The following ATP12A variants were observed in gnomAD, a reference collection of about 807,000 sequenced individuals.
ATP12A encodes the protein potassium-transporting ATPase alpha chain 2.
ATP12A carries 81 observed loss-of-function variants against 111.2 expected under a neutral mutation model. The observed-to-expected ratio is 0.73, with a 90% confidence interval of 0.61 to 0.88. ATP12A has a LOEUF of 0.88. Among genes scored for constraint, ATP12A ranks in the 40% least tolerant of loss-of-function variants. ATP12A has a pLI of 0.00. For synonymous variants in ATP12A, 498 were observed against 499.8 expected, an observed-to-expected ratio of 1.00 and a Z score of 0.05; for missense variants, 1,196 against 1,313.1, an observed-to-expected ratio of 0.91 and a Z score of 1.38.
At chr13:24,682,299 GTATGTGCATGGTAT>G (rs1874504514) in intron 2 of ATP12A, among the ~76,000 whole-genome samples, 2 of 145,812 alleles carry the variant, frequency 1.4e-5, no homozygotes, top group Non-Finnish European at 3.0e-5. Flanking sequence ...TGTGGTGTGT[GTATGTGCATGGTAT>G]GTGTGGTGTG....
chr13:24,705,369 C>G (rs1306800392), intron 14 of ATP12A, among the ~76,000 whole-genome samples: 1 of 152,202 alleles, frequency 6.6e-6, no homozygotes, highest in Non-Finnish European at 1.5e-5. Flanking sequence ...CCTGGGCTCG[C>G]TGGCTAAAGT....
chr13:24,690,544 C>T, intron 6 of ATP12A, 60 bp from the exon 7 acceptor site: 1 of 1,603,496 alleles, frequency 6.2e-7, no homozygotes, highest in Non-Finnish European at 8.5e-7. Context: ...TTCCCAGCAT[C>T]AGTATAAGAG....
Position 24,680,656 on chromosome 13 carries a change from G to C in ATP12A, c.-88G>C. ...CACCTCAGCCACTGCCACTGCCACA[G>C]CCACACGAGGCCCCCCACCGTGCGC... On this transcript the variant is annotated 5_prime_UTR_variant, in exon 1 of 23. Coordinates refer to ENST00000381946, the MANE Select transcript of ATP12A (RefSeq NM_001676.7). The C allele has an allele frequency of 6.9e-7, 1 of 1,452,380 alleles. No homozygotes were observed. The highest frequency in any genetic ancestry group is 2.8e-5 in the East Asian group (1 of 35,312). 90.0% of individuals were successfully genotyped at this position (1,452,380 alleles called of 1,614,324 possible). A position where few individuals can be genotyped will look rare whatever the true frequency, so the allele number is the denominator to read the frequency against.
At chr13:24,698,470 G>C (rs724328) in intron 11 of ATP12A, among the ~76,000 whole-genome samples, 188 bp from the exon 12 acceptor site, 54,300 of 151,922 alleles carry the variant, frequency 0.36, 10,451 homozygotes, top group Admixed American at 0.54. Context: ...TATCCAGAGT[G>C]GGTGCCCCAC....
chr13:24,686,728 G>T (rs568250693), intron 3 of ATP12A, among the ~76,000 whole-genome samples: 6 of 151,762 alleles, frequency 4.0e-5, no homozygotes, highest in Non-Finnish European at 7.4e-5. Flanking sequence ...GACAGAGCGA[G>T]ACTCTGTCGA....
At chr13:24,695,427 GC>G (rs1224059570) in intron 11 of ATP12A, among the ~76,000 whole-genome samples, 10 of 152,222 alleles carry the variant, frequency 6.6e-5, no homozygotes, top group African/African-American at 2.2e-4. Context: ...ACAGTTGGGA[GC>G]CCCAGGTCCC....
intron 15 of ATP12A, 100 bp from the exon 16 acceptor site, chr13:24,706,923 C>T: frequency 7.4e-7 from 1 of 1,345,414 alleles, no homozygotes; most frequent in Non-Finnish European, 1.0e-6. Context: ...TATAATCATC[C>T]TCGCAACCTC....
chr13:24,702,226 C>T (rs1875428498), intron 14 of ATP12A, among the ~76,000 whole-genome samples, 155 bp downstream of exon 14: 2 of 152,352 alleles, frequency 1.3e-5, no homozygotes, highest in Middle Eastern at 6.8e-3. Context: ...TGTATTCACT[C>T]TAATTTCACT....
chr13:24,710,071 G>C (rs1875894747), intron 19 of ATP12A, among the ~76,000 whole-genome samples: 1 of 152,174 alleles, frequency 6.6e-6, no homozygotes, highest in Admixed American at 6.5e-5. Context: ...GTATAGAAGA[G>C]TGACCAGCCC....
At chr13:24,705,750 G>A (rs914917547) in intron 14 of ATP12A, among the ~76,000 whole-genome samples, 6 of 152,138 alleles carry the variant, frequency 3.9e-5, no homozygotes, top group African/African-American at 1.4e-4. Context: ...GCTCACTGCA[G>A]CCTCAACCCC....
chr13:24,701,892 AG>A (rs1427284369), intron 13 of ATP12A, 42 bp from the exon 14 acceptor site: 2 of 1,613,160 alleles, frequency 1.2e-6, no homozygotes. Context: ...TGGCCAACCG[AG>A]TTCTTCATTA....
In ATP12A at chr13:24,690,584, AC is replaced by A; in HGVS notation, c.682-18del. 1 of 1,606,394 alleles carries A rather than the reference AC, an allele frequency of 6.2e-7. No individual in the cohort carries two copies. Among genetic ancestry groups the A allele is most frequent in the Admixed American group, 1.7e-5 (1 of 59,040 alleles). Reference sequence around the variant, plus strand: ...GGAATGAGGTACCCAGCTGTGAACCACCTTCAACATTTCTTCTAGGTGGATA... The same window carrying A: ...GGAATGAGGTACCCAGCTGTGAACCACTTCAACATTTCTTCTAGGTGGATA... On this transcript the variant is annotated intron_variant, in intron 6 of 22. Coordinates refer to ENST00000381946, the MANE Select transcript of ATP12A (RefSeq NM_001676.7).
At chr13:24,692,029 A>G (rs2070811) in intron 8 of ATP12A, among the ~76,000 whole-genome samples, 36,522 of 152,084 alleles carry the variant, frequency 0.24, 4,810 homozygotes, top group East Asian at 0.48. Context: ...CCCCAAAGCA[A>G]CAAGTGTGTC....
At chr13:24,684,978 T>A (rs565181054) in intron 2 of ATP12A, among the ~76,000 whole-genome samples, 2 of 152,322 alleles carry the variant, frequency 1.3e-5, no homozygotes, top group Non-Finnish European at 2.9e-5. Flanking sequence ...TCCAGCTCAC[T>A]GGCACCTGGA....
In ATP12A at chr13:24,688,522, C is replaced by G. The variant is rs199568379; in HGVS notation, c.432C>G (p.Asn144Lys). 4 of 1,576,936 alleles carry G rather than the reference C, an allele frequency of 2.5e-6. No homozygotes were observed. The highest frequency in any genetic ancestry group is 2.6e-6 in the Non-Finnish European group (3 of 1,158,616). Reference protein sequence around the residue: ...YSSDKSASLNNVYLGCVLGLV... With the variant: ...YSSDKSASLNKVYLGCVLGLV... ...GCGACAAGTCTGCATCCCTGAACAA[C>G]GTAAGGCTCTGGGGTGTCCCCTCCT... Residue 144 changes from asparagine to lysine, a missense_variant and splice_region_variant, in exon 4 of 23, where the codon AAC becomes AAG. Physicochemically the swap from Asn to Lys is moderately conservative, Grantham distance 94. This residue lies in a region of ATP12A where 1,126 missense variants were observed against 1,228.5 expected (regional missense o/e 0.92). Transcript: ENST00000381946.
Position 24,698,859 on chromosome 13 carries a change from G to T in ATP12A, c.1705+9G>T, listed in dbSNP as rs371461173. The T allele has an allele frequency of 1.9e-6, 3 of 1,612,510 alleles. No homozygotes were observed. The highest frequency in any genetic ancestry group is 2.5e-6 in the Non-Finnish European group (3 of 1,179,404). On this transcript the variant is annotated intron_variant, in intron 12 of 22. Coordinates refer to ENST00000381946, the MANE Select transcript of ATP12A (RefSeq NM_001676.7). The stretch of plus-strand genomic sequence containing the variant: ...GGGCGAGCGTGTGCTGGGTGAGTGC[G>T]GCGGCAGGGCCCTGCCCATCACCTG...
At chr13:24,699,067 T>C (rs944656882) in intron 12 of ATP12A, among the ~76,000 whole-genome samples, 1 of 152,108 alleles carries the variant, frequency 6.6e-6, no homozygotes, top group Admixed American at 6.5e-5. Context: ...GAAGACTTTA[T>C]GGAAGGAGTT....
chr13:24,682,034 GTGTA>G (rs71782148), intron 2 of ATP12A, among the ~76,000 whole-genome samples: 79,804 of 121,354 alleles, frequency 0.66, 27,999 homozygotes, highest in Non-Finnish European at 0.76. Flanking sequence ...TGTGTGGTGT[GTGTA>G]TGTGTGTGGT....
chr13:24,706,511 A>G (rs780859546), intron 15 of ATP12A, 48 bp downstream of exon 15: 11 of 1,598,526 alleles, frequency 6.9e-6, no homozygotes, highest in East Asian at 2.2e-5. Context: ...ATCACTGTCC[A>G]TGGGCAAGTG....
Sources: gnomAD v4.1 joint callset for allele counts (sites outside exome capture counted in the v4.1 genomes callset) on GRCh38, gnomAD v4.1.1 for gene constraint, gnomAD v4.1.1 regional missense constraint, MANE v1.5 for transcripts, NCBI Gene and HGNC (gene_info 2026-07-23, HGNC 2026-07-21) for gene names.